TFB2M: variants seen among roughly 807,000 people sequenced by gnomAD.
TFB2M encodes the protein dimethyladenosine transferase 2, mitochondrial.
In TFB2M, 44 loss-of-function variants were observed where a neutral mutation model predicts 41.3. The observed-to-expected ratio is 1.07, with a 90% CI of 0.84 to 1.37. The LOEUF is 1.37. Ranked by LOEUF, TFB2M falls within the 40% of genes most tolerant of loss-of-function variation. The probability of loss-of-function intolerance (pLI) is 0.00; values close to 1 mark genes in which losing one functional copy is unlikely to be tolerated. For synonymous variants in TFB2M, 188 were observed against 176.8 expected (o/e 1.06, Z -0.50); for missense variants, 496 against 490.2 (o/e 1.01, Z -0.11).
chr1:246,543,306 G>A (rs1658913012), intron 7 of TFB2M, among the ~76,000 whole-genome samples: 1 of 152,080 alleles, frequency 6.6e-6, no homozygotes, highest in Non-Finnish European at 1.5e-5. Context: ...ATGACTATGG[G>A]CTGCTGATTA....
rs116771362 is a variant in TFB2M at position 246,555,478 on chromosome 1, G to A, written c.705+1095C>T. On this transcript the variant is annotated intron_variant, in intron 4 of 7. Transcript: ENST00000366514. The stretch of plus-strand genomic sequence containing the variant: ...GCAGTCCCAGCTTGGGGGCTGAGGC[G>A]GGAAGATCGCTTGAGCCCAGGAGGT... 5.7e-3 allele frequency among the ~76,000 whole-genome samples: 863 copies of A among 152,162 alleles called. 9 individuals are homozygous for A. Among genetic ancestry groups the A allele is most frequent in the African/African-American group, 0.019 (799 of 41,506 alleles).
intron 2 of TFB2M, among the ~76,000 whole-genome samples, chr1:246,562,753 G>A (rs1318587072): frequency 6.6e-6 from 1 of 151,994 alleles, no homozygotes; most frequent in African/African-American, 2.4e-5. Context: ...TCTGAGTCCC[G>A]GGTTCAAGCG....
chr1:246,563,476 C>A (rs572028716), intron 2 of TFB2M, among the ~76,000 whole-genome samples: 227 of 151,708 alleles, frequency 1.5e-3, no homozygotes, highest in Admixed American at 6.5e-3. Context: ...TAGTGGCGGG[C>A]GCCTGTAATC....
chr1:246,552,338 A>G (rs1420802363), intron 4 of TFB2M, among the ~76,000 whole-genome samples: 4 of 152,232 alleles, frequency 2.6e-5, no homozygotes, highest in Non-Finnish European at 5.9e-5. Context: ...TTCTGGGCAG[A>G]AAAGAAAGAT....
intron 4 of TFB2M, among the ~76,000 whole-genome samples, chr1:246,553,973 T>A (rs1659250431): frequency 6.6e-6 from 1 of 152,216 alleles, no homozygotes; most frequent in Non-Finnish European, 1.5e-5. Flanking sequence ...CAACACAGTG[T>A]TGTCTTGGCC....
In TFB2M at chr1:246,544,647, A is replaced by C; in HGVS notation, c.893T>G (p.Leu298Arg). The change falls in exon 7 of 8, where the codon CTT (leucine) becomes CGT (arginine). Residue 298 changes from leucine (L) to arginine (R), a missense_variant. Coordinates refer to ENST00000366514, the MANE Select transcript of TFB2M (RefSeq NM_022366.3). ...LLDQLQQKLY[L>R]IQMIPRQNLF... ...ATTTTGACGAGGAATCATTTGAATA[A>C]GATACAGCTTTTGTTGTAATTGGTC... 1 of 1,605,398 alleles carries C rather than the reference A, an allele frequency of 6.2e-7. No homozygotes were observed. Among genetic ancestry groups the C allele is most frequent in the African/African-American group, 1.3e-5 (1 of 74,440 alleles).
chr1:246,541,917 A>G (rs1052175834), intron 7 of TFB2M, among the ~76,000 whole-genome samples: 8 of 152,224 alleles, frequency 5.3e-5, no homozygotes, highest in African/African-American at 1.7e-4. Flanking sequence ...TGCATTGCTT[A>G]ATGATGGAGG....
At chr1:246,561,070 C>T (rs1366291463) in intron 2 of TFB2M, among the ~76,000 whole-genome samples, 4 of 152,328 alleles carry the variant, frequency 2.6e-5, no homozygotes, top group Admixed American at 2.6e-4. Context: ...ATCCGCTAAG[C>T]GCAGCACTTT....
At position 246,562,441 on chromosome 1, in the gene TFB2M, G is replaced by C. The variant is rs189738626; in HGVS notation, c.402+1905C>G. Among the ~76,000 whole-genome samples, 200 of 152,314 alleles carry C rather than the reference G, an allele frequency of 1.3e-3. 1 individual carries two copies. The highest frequency in any genetic ancestry group is 4.6e-3 in the African/African-American group (191 of 41,578). On this transcript the variant is annotated intron_variant, in intron 2 of 7. Coordinates refer to ENST00000366514, the MANE Select transcript of TFB2M (RefSeq NM_022366.3). The stretch of plus-strand genomic sequence containing the variant: ...ATGCAACTGTATCTGACTACAGGCT[G>C]AGCATCCTTAATCCAAAAATTCTGA...
rs143888389 is a variant in TFB2M, at chr1:246,559,163, G to A, written c.403-1629C>T. 1.3e-3 allele frequency among the ~76,000 whole-genome samples: 200 copies of A among 152,102 alleles called. 1 individual carries two copies. Among genetic ancestry groups the A allele is most frequent in the African/African-American group, 4.6e-3 (191 of 41,490 alleles). ...ATGAGTCTCACTATGTCCCCAGGCT[G>A]GTCTCCAACTCCTGGCCTTAAGTGA... On this transcript the variant is annotated intron_variant, in intron 2 of 7. Transcript: ENST00000366514.
chr1:246,554,089 A>T (rs55741541), intron 4 of TFB2M, among the ~76,000 whole-genome samples: 4 of 151,978 alleles, frequency 2.6e-5, no homozygotes, highest in Non-Finnish European at 5.9e-5. Context: ...ATTTAATGGC[A>T]GTAAAGAACA....
At position 246,541,010 on chromosome 1, in the gene TFB2M, C is replaced by T; in HGVS notation, c.*21G>A. 6.3e-7 allele frequency: 1 copy of T among 1,579,984 alleles called. No homozygotes were observed. Among genetic ancestry groups the T allele is most frequent in the South Asian group, 1.2e-5 (1 of 86,056 alleles). On this transcript the variant is annotated 3_prime_UTR_variant, in exon 8 of 8. Transcript: ENST00000366514. ...GTTTCCAAATAAATGAACCGCTCCA[C>T]CAAAAACGACAGTCTAGTTGCTACC...
In TFB2M at chr1:246,564,431, G is replaced by A. The variant is rs764954730; in HGVS notation, c.317C>T (p.Pro106Leu). 3 of 1,613,876 alleles carry A rather than the reference G, an allele frequency of 1.9e-6. No homozygotes were observed. The highest frequency in any genetic ancestry group is 2.5e-6 in the Non-Finnish European group (3 of 1,179,914). ...PHLLLECNPGPGILTQALLEA... is the reference protein window; with the variant it reads ...PHLLLECNPGLGILTQALLEA... ...AAGTAATGCCTGAGTCAGGATTCCAGGACCTGGCACATTAACAGAACGAAA... is the reference window on the plus strand; with the variant it reads ...AAGTAATGCCTGAGTCAGGATTCCAAGACCTGGCACATTAACAGAACGAAA... The change falls in exon 2 of 8, where the codon CCT (proline) becomes CTT (leucine). Residue 106 changes from proline to leucine, a missense_variant. Physicochemically the swap from Pro to Leu is moderately conservative, Grantham distance 98 (BLOSUM62 -3). Transcript: ENST00000366514.
chr1:246,551,809 C>A (rs1281253152), intron 4 of TFB2M, among the ~76,000 whole-genome samples: 2 of 152,228 alleles, frequency 1.3e-5, no homozygotes, highest in Non-Finnish European at 2.9e-5. Context: ...GCAAAAGAGG[C>A]ATGGGCCAGT....
intron 2 of TFB2M, 95 bp from the exon 3 acceptor site, chr1:246,557,629 A>G (rs1189826784): frequency 9.8e-6 from 10 of 1,022,820 alleles, no homozygotes; most frequent in African/African-American, 1.7e-5. Context: ...CCATAATAAA[A>G]TGTAAAAATA....
intron 6 of TFB2M, among the ~76,000 whole-genome samples, chr1:246,546,592 T>G (rs1185672263): frequency 2.0e-5 from 3 of 148,292 alleles, no homozygotes; most frequent in African/African-American, 7.5e-5. Context: ...CCAGCCTGGG[T>G]GACAGAATGA....
chr1:246,550,554 G>A (rs139769033), intron 5 of TFB2M, among the ~76,000 whole-genome samples: 8 of 152,292 alleles, frequency 5.3e-5, no homozygotes, highest in Middle Eastern at 6.8e-3. Flanking sequence ...AAGCAGTGAC[G>A]AGAACACGTG....
rs187167570 is a variant in TFB2M, at chr1:246,562,105, T to C, written c.402+2241A>G. ...CTTGAACTCTTTTCAAAACAGTAAG[T>C]GGTAGAATAACAATAATTTCATACT... On this transcript the variant is annotated intron_variant, in intron 2 of 7. Coordinates refer to ENST00000366514, the MANE Select transcript of TFB2M (RefSeq NM_022366.3). Among the ~76,000 whole-genome samples, 1,025 of 152,238 alleles carry C rather than the reference T, an allele frequency of 6.7e-3. 10 individuals are homozygous for C. Among genetic ancestry groups the C allele is most frequent in the African/African-American group, 0.024 (985 of 41,534 alleles).
At chr1:246,546,070 T>C (rs905361522) in intron 6 of TFB2M, among the ~76,000 whole-genome samples, 1 of 151,662 alleles carries the variant, frequency 6.6e-6, no homozygotes, top group Non-Finnish European at 1.5e-5. Flanking sequence ...AATCCAACAC[T>C]TTGGGAGGCC....
Sources: allele counts gnomAD v4.1 joint callset (sites outside exome capture counted in the v4.1 genomes callset), GRCh38; gene constraint gnomAD v4.1.1; transcripts MANE v1.5; gene names NCBI Gene and HGNC (gene_info 2026-07-23, HGNC 2026-07-21).